The following NRG1 variants were observed in gnomAD, a reference collection of about 807,000 sequenced individuals.
NRG1 encodes pro-neuregulin-1, membrane-bound isoform.
A neutral mutation model predicts 63.8 loss-of-function variants in NRG1; 18 were observed. The ratio of observed to expected loss-of-function variants is 0.28; its 90% CI spans 0.19 to 0.42. The LOEUF (loss-of-function observed/expected upper bound fraction) is 0.42, where lower values mean the gene tolerates loss of function less well. Ranked by LOEUF, NRG1 falls within the 10% of genes least tolerant of loss-of-function variation. NRG1 has a pLI of 1.00. For synonymous variants in NRG1, 302 were observed against 301.3 expected, an observed-to-expected ratio of 1.00 and a Z score of -0.02; for missense variants, 762 against 814.7, an observed-to-expected ratio of 0.94 and a Z score of 0.79.
chr8:31,884,241 T>C lies in NRG1; in HGVS notation c.37+244810T>C, dbSNP rs534530143. On this transcript the variant is annotated intron_variant, in intron 1 of 10. Coordinates refer to the NRG1 transcript ENST00000519301. Reference sequence around the variant, plus strand: ...TTTTGAGGCCTCGTGTAAAATAAGCTTCAGGATTTTGAATAACTTTGGGCC... The same window carrying C: ...TTTTGAGGCCTCGTGTAAAATAAGCCTCAGGATTTTGAATAACTTTGGGCC... 5.1e-4 allele frequency among the ~76,000 whole-genome samples: 77 copies of C among 152,204 alleles called. 1 individual carries two copies. The highest frequency in any genetic ancestry group is 1.6e-3 in the African/African-American group (67 of 41,538).
chr8:32,371,259 G>A (rs998336736), intron 1 of NRG1, among the ~76,000 whole-genome samples: 1 of 152,134 alleles, frequency 6.6e-6, no homozygotes, highest in Non-Finnish European at 1.5e-5. Context: ...GTGGAACAGG[G>A]AGATTACTTG....
chr8:32,008,211 T>G lies in NRG1; in HGVS notation c.37+368780T>G, dbSNP rs188997982. Among the ~76,000 whole-genome samples the G allele has an allele frequency of 4.5e-4, 68 of 152,096 alleles. 1 individual carries two copies. Among genetic ancestry groups the G allele is most frequent in the Admixed American group, 9.2e-4 (14 of 15,248 alleles). On this transcript the variant is annotated intron_variant, in intron 1 of 10. Coordinates refer to the NRG1 transcript ENST00000519301. The stretch of plus-strand genomic sequence containing the variant: ...GGCTCACTTTTGTTCTTTCATATAT[T>G]TATTAGAGTACGCTTTCCCAGAGTG...
At chr8:31,928,939 T>C (rs191833090) in intron 1 of NRG1, among the ~76,000 whole-genome samples, 176 of 152,224 alleles carry the variant, frequency 1.2e-3, no homozygotes, top group African/African-American at 4.1e-3. Flanking sequence ...ACTTGGGTAA[T>C]AGGTACACTA....
At chr8:32,743,587 T>TATATATATATATATATATATATAC (rs1826857471) in intron 7 of NRG1, among the ~76,000 whole-genome samples, 1 of 145,472 alleles carries the variant, frequency 6.9e-6, no homozygotes, top group Admixed American at 6.9e-5. Context: ...TATATATATA[T>TATATATATATATATATATATATAC]ATATATATAA....
At chr8:31,894,216 A>G (rs1353399237) in intron 1 of NRG1, among the ~76,000 whole-genome samples, 1 of 152,244 alleles carries the variant, frequency 6.6e-6, no homozygotes, top group Admixed American at 6.5e-5. Flanking sequence ...TGTTATTTGC[A>G]TCTACTATTT....
chr8:31,863,721 T>C (rs1411351820), intron 1 of NRG1, among the ~76,000 whole-genome samples: 1 of 152,244 alleles, frequency 6.6e-6, no homozygotes, highest in East Asian at 1.9e-4. Context: ...TTCCCTTCTT[T>C]ATCCAATTAA....
At chr8:32,258,782 G>A (rs1850035359) in intron 1 of NRG1, among the ~76,000 whole-genome samples, 2 of 152,052 alleles carry the variant, frequency 1.3e-5, no homozygotes, top group African/African-American at 4.8e-5. Context: ...GGGATTATGG[G>A]GATTACAATT....
At chr8:31,912,898 G>C (rs1261938071) in intron 1 of NRG1, among the ~76,000 whole-genome samples, 1 of 151,942 alleles carries the variant, frequency 6.6e-6, no homozygotes, top group Non-Finnish European at 1.5e-5. Context: ...AATATTTCTG[G>C]GTTATGCCTC....
intron 1 of NRG1, among the ~76,000 whole-genome samples, chr8:32,125,317 G>A (rs1833938747): frequency 6.6e-6 from 1 of 151,902 alleles, no homozygotes; most frequent in African/African-American, 2.4e-5. Context: ...TCACATAACA[G>A]GTCGATTTGA....
At chr8:31,703,606 C>A (rs1454414344) in intron 1 of NRG1, among the ~76,000 whole-genome samples, 1 of 152,124 alleles carries the variant, frequency 6.6e-6, no homozygotes, top group East Asian at 1.9e-4. Flanking sequence ...GAGCTATTAG[C>A]ACATAGTTGA....
intron 1 of NRG1, among the ~76,000 whole-genome samples, chr8:31,869,472 A>G (rs1200677842): frequency 1.3e-5 from 2 of 152,200 alleles, no homozygotes; most frequent in Non-Finnish European, 2.9e-5. Flanking sequence ...TGAACCAGAC[A>G]TTGCCACATC....
chr8:32,073,094 C>T (rs1456229709), intron 1 of NRG1, among the ~76,000 whole-genome samples: 1 of 152,116 alleles, frequency 6.6e-6, no homozygotes, highest in Non-Finnish European at 1.5e-5. Context: ...AAAGTTCTGG[C>T]CTCTATCTCT....
At chr8:32,250,225 A>G (rs991983749) in intron 1 of NRG1, among the ~76,000 whole-genome samples, 3 of 152,160 alleles carry the variant, frequency 2.0e-5, no homozygotes, top group Non-Finnish European at 4.4e-5. Flanking sequence ...AAAACGGTTG[A>G]TATAAAGCAT....
In NRG1 at chr8:32,296,961, A is replaced by G. The variant is rs544002676; in HGVS notation, c.38-298867A>G. ...GAAACCCCCACTCTACTAAAAATAC[A>G]AAAATTAGCTGGGCGTGGTGGCCCG... On this transcript the variant is annotated intron_variant, in intron 1 of 10. Coordinates refer to the NRG1 transcript ENST00000519301. Among the ~76,000 whole-genome samples the G allele has an allele frequency of 2.4e-3, 371 of 152,160 alleles. 2 individuals carry two copies. The highest frequency in any genetic ancestry group is 4.1e-3 in the Non-Finnish European group (280 of 68,014).
At chr8:31,970,968 C>T (rs1042395855) in intron 1 of NRG1, among the ~76,000 whole-genome samples, 3 of 151,716 alleles carry the variant, frequency 2.0e-5, no homozygotes, top group African/African-American at 2.4e-5. Context: ...GGCGTGAACC[C>T]GGGAGGCGGA....
intron 1 of NRG1, among the ~76,000 whole-genome samples, chr8:31,657,952 C>T (rs938795589): frequency 1.3e-5 from 2 of 152,186 alleles, no homozygotes; most frequent in South Asian, 4.1e-4. Flanking sequence ...TCCTTTTGCC[C>T]TCTCTGCCAA....
chr8:31,797,188 G>A (rs1188598803), intron 1 of NRG1, among the ~76,000 whole-genome samples: 2 of 152,166 alleles, frequency 1.3e-5, no homozygotes, highest in Admixed American at 6.6e-5. Flanking sequence ...ATGAAATTGT[G>A]AGACTTAACC....
At chr8:32,041,921 G>A (rs568527598) in intron 1 of NRG1, among the ~76,000 whole-genome samples, 9 of 152,250 alleles carry the variant, frequency 5.9e-5, no homozygotes, top group African/African-American at 2.2e-4. Context: ...CCTAGATAGG[G>A]TACCGAAGAC....
At position 32,497,893 on chromosome 8, in the gene NRG1, G is replaced by A. The variant is rs185768453; in HGVS notation, c.38-97935G>A. Among the ~76,000 whole-genome samples the A allele has an allele frequency of 1.0e-3, 153 of 152,140 alleles. 1 individual carries two copies. Among genetic ancestry groups the A allele is most frequent in the Admixed American group, 4.3e-3 (66 of 15,272 alleles). On this transcript the variant is annotated intron_variant, in intron 1 of 10. Transcript: ENST00000519301. ...AGCTGGGGTGCAATGGCACGATCTC[G>A]GCTCACCACAACCTCCCCTTCCCGG...
Sources: allele counts gnomAD v4.1 joint callset (sites outside exome capture counted in the v4.1 genomes callset), GRCh38; gene constraint gnomAD v4.1.1; transcripts MANE v1.5; gene names NCBI Gene and HGNC (gene_info 2026-07-23, HGNC 2026-07-21).